Variants in ZNF407 observed in about 807,000 individuals in gnomAD.
ZNF407 encodes the protein zinc finger protein 407.
A neutral mutation model predicts 131.2 loss-of-function variants in ZNF407; 17 were observed. The ratio of observed to expected loss-of-function variants is 0.13; its 90% CI spans 0.09 to 0.19. ZNF407 has a LOEUF of 0.19. Ranked by LOEUF, ZNF407 falls within the 10% of genes least tolerant of loss-of-function variation. ZNF407 has a pLI of 1.00. For missense variants in ZNF407, 2,681 were observed against 2,830.6 expected (o/e 0.95, Z 1.20); for synonymous variants, 1,156 against 1,062.0 (o/e 1.09, Z -1.72).
chr18:75,027,812 A>G (rs1973188899), intron 8 of ZNF407, among the ~76,000 whole-genome samples: 2 of 152,206 alleles, frequency 1.3e-5, no homozygotes, highest in East Asian at 1.9e-4. Context: ...AGGGAGCAGT[A>G]TAAAAGAAGT....
At position 74,956,245 on chromosome 18, in the gene ZNF407, G is replaced by A. The variant is rs1972273921; in HGVS notation, c.5428+35553G>A. On this transcript the variant is annotated intron_variant, in intron 8 of 8. Transcript: ENST00000299687. ...CATCCCCACTTCCTCATCACATCCAGCTCTCCGTCCTGCTTGCATTCCTCC... is the reference window on the plus strand; with the variant it reads ...CATCCCCACTTCCTCATCACATCCAACTCTCCGTCCTGCTTGCATTCCTCC... Among the ~76,000 whole-genome samples, 3 of 151,748 alleles carry A rather than the reference G, an allele frequency of 2.0e-5. No homozygotes were observed. The South Asian group carries it at 6.3e-4, about 32-fold the overall frequency.
At chr18:74,697,847 A>G (rs1967395069) in intron 3 of ZNF407, among the ~76,000 whole-genome samples, 1 of 152,216 alleles carries the variant, frequency 6.6e-6, no homozygotes, top group East Asian at 1.9e-4. Context: ...TTTGCAGTGC[A>G]TGCTGTTTTG....
At chr18:74,947,406 A>C (rs1161870339) in intron 8 of ZNF407, among the ~76,000 whole-genome samples, 1 of 152,148 alleles carries the variant, frequency 6.6e-6, no homozygotes, top group Non-Finnish European at 1.5e-5. Context: ...TAAATTGGGA[A>C]TTTCAAAGTA....
At chr18:74,704,390 G>A (rs149615553) in intron 3 of ZNF407, among the ~76,000 whole-genome samples, 172 of 152,222 alleles carry the variant, frequency 1.1e-3, no homozygotes, top group African/African-American at 4.0e-3. Flanking sequence ...ATGAAATACA[G>A]GTACAACGGG....
chr18:74,959,104 G>T (rs1231301386), intron 8 of ZNF407, among the ~76,000 whole-genome samples: 1 of 152,104 alleles, frequency 6.6e-6, no homozygotes, highest in African/African-American at 2.4e-5. Context: ...ATAAAGTCTA[G>T]TCTTTCATCT....
chr18:74,686,857 A>G (rs1967107685), intron 3 of ZNF407, among the ~76,000 whole-genome samples: 1 of 152,246 alleles, frequency 6.6e-6, no homozygotes, highest in Non-Finnish European at 1.5e-5. Flanking sequence ...CAAGAAAACA[A>G]TAATTTATAT....
chr18:74,892,832 G>A (rs886654996), intron 7 of ZNF407, among the ~76,000 whole-genome samples: 5 of 152,020 alleles, frequency 3.3e-5, no homozygotes, highest in South Asian at 2.1e-4. Flanking sequence ...CACATAGGCC[G>A]TTTTCAGGCT....
Position 74,890,054 on chromosome 18 carries a change from T to C in ZNF407, c.5249+16T>C. The C allele has an allele frequency of 6.6e-7, 1 of 1,521,744 alleles. No individual in the cohort carries two copies. Among genetic ancestry groups the C allele is most frequent in the Non-Finnish European group, 8.8e-7 (1 of 1,138,092 alleles). 94.3% of individuals were successfully genotyped at this position (1,521,744 alleles called of 1,614,324 possible). On this transcript the variant is annotated intron_variant, in intron 7 of 8. Coordinates refer to ENST00000299687, the MANE Select transcript of ZNF407 (RefSeq NM_017757.3). Reference sequence around the variant, plus strand: ...GTGACTACAGGTAATGACTCATCACTGAGCAGTCAAATCAGGTGGGCCGCC... The same window carrying C: ...GTGACTACAGGTAATGACTCATCACCGAGCAGTCAAATCAGGTGGGCCGCC...
chr18:74,809,004 C>T (rs541045967), intron 4 of ZNF407, among the ~76,000 whole-genome samples: 2 of 152,208 alleles, frequency 1.3e-5, no homozygotes, highest in African/African-American at 4.8e-5. Flanking sequence ...CAGACCGAAC[C>T]GTGGGTAAAT....
chr18:74,922,637 C>T (rs1971861192), intron 8 of ZNF407, among the ~76,000 whole-genome samples: 1 of 151,874 alleles, frequency 6.6e-6, no homozygotes, highest in Non-Finnish European at 1.5e-5. Flanking sequence ...TGTGCTATAC[C>T]CTTGGTATCT....
intron 3 of ZNF407, among the ~76,000 whole-genome samples, chr18:74,739,741 A>T (rs1010381300): frequency 1.4e-4 from 21 of 152,078 alleles, no homozygotes; most frequent in East Asian, 7.7e-4. Flanking sequence ...TTTTTGAGAT[A>T]AAAAAATGCT....
rs138388020 is a variant in ZNF407, at chr18:74,833,529, TG to T, written c.4878-43665del. 6.1e-3 allele frequency among the ~76,000 whole-genome samples: 924 copies of T among 152,230 alleles called. 11 individuals are homozygous for T. Among genetic ancestry groups the T allele is most frequent in the African/African-American group, 0.021 (878 of 41,556 alleles). On this transcript the variant is annotated intron_variant, in intron 4 of 8. Transcript: ENST00000299687. ...CACAGAGAGGTGTAGGTGGATAGGC[TG>T]GGAAGCATACTTGAGCCTGTGGAGT... is the stretch of plus-strand genomic sequence containing the variant.
At chr18:74,685,052 G>A (rs1967065992) in intron 3 of ZNF407, among the ~76,000 whole-genome samples, 1 of 152,084 alleles carries the variant, frequency 6.6e-6, no homozygotes, top group African/African-American at 2.4e-5. Flanking sequence ...TAACTTTAAA[G>A]TTGTCAAAAC....
intron 1 of ZNF407, among the ~76,000 whole-genome samples, chr18:74,627,476 G>C (rs2144651986): frequency 6.6e-6 from 1 of 152,242 alleles, no homozygotes; most frequent in Non-Finnish European, 1.5e-5. Context: ...ATAGAAAAGA[G>C]CATTTCTGTC....
chr18:74,628,070 C>A (rs1983881910), intron 1 of ZNF407, among the ~76,000 whole-genome samples: 1 of 151,808 alleles, frequency 6.6e-6, no homozygotes, highest in African/African-American at 2.4e-5. Context: ...ACTTATTTGA[C>A]CAGAGATGTT....
At chr18:74,879,047 A>G (rs939413271) in intron 5 of ZNF407, among the ~76,000 whole-genome samples, 2 of 152,214 alleles carry the variant, frequency 1.3e-5, no homozygotes, top group African/African-American at 4.8e-5. Context: ...GAATCAACTC[A>G]CATAGAAAAT....
intron 1 of ZNF407, among the ~76,000 whole-genome samples, chr18:74,620,369 CTTTG>C (rs1983463946): frequency 6.6e-6 from 1 of 152,136 alleles, no homozygotes; most frequent in Non-Finnish European, 1.5e-5. Flanking sequence ...GGGTGGAAGT[CTTTG>C]ATAATGAAAG....
At chr18:74,840,485 T>G (rs1045600746) in intron 4 of ZNF407, among the ~76,000 whole-genome samples, 4 of 152,296 alleles carry the variant, frequency 2.6e-5, no homozygotes, top group Admixed American at 2.0e-4. Flanking sequence ...TCGTTTATTC[T>G]TCACCACCTC....
In ZNF407 at chr18:74,632,377, C is replaced by T. The variant is rs200948359; in HGVS notation, c.1358C>T (p.Thr453Ile). The stretch of plus-strand genomic sequence containing the variant: ...AATCTTTTAGGAATTAAAAGAGGTA[C>T]AAGTGAAACTCAGAGGATGTATATG... Reference protein sequence around the residue: ...RFNLLGIKRGTSETQRMYMKH... With the variant: ...RFNLLGIKRGISETQRMYMKH... Residue 453 changes from threonine (T) to isoleucine (I), a missense_variant, in exon 2 of 9, where the codon ACA becomes ATA. By Grantham distance (89) the Thr-to-Ile change is moderately conservative. Coordinates refer to ENST00000299687, the MANE Select transcript of ZNF407 (RefSeq NM_017757.3). The T allele has an allele frequency of 1.2e-6, 2 of 1,613,990 alleles. No individual in the cohort carries two copies. Among genetic ancestry groups the T allele is most frequent in the Non-Finnish European group, 1.7e-6 (2 of 1,179,880 alleles).
Sources: allele counts gnomAD v4.1 joint callset (sites outside exome capture counted in the v4.1 genomes callset), GRCh38; gene constraint gnomAD v4.1.1; transcripts MANE v1.5; gene names NCBI Gene and HGNC (gene_info 2026-07-23, HGNC 2026-07-21).